MS4A8: variants seen among roughly 807,000 people sequenced by gnomAD.
MS4A8 encodes membrane spanning 4-domains A8.
MS4A8 carries 27 observed loss-of-function variants against 23.7 expected under a neutral mutation model. That is an observed-to-expected ratio of 1.14 (90% CI 0.84 to 1.57). The LOEUF (loss-of-function observed/expected upper bound fraction) is 1.57. Among genes scored for constraint, MS4A8 ranks in the 40% most tolerant of loss-of-function variants. The probability of loss-of-function intolerance (pLI) is 0.00; values close to 1 mark genes in which losing one functional copy is unlikely to be tolerated. For synonymous variants in MS4A8, 138 were observed against 126.3 expected (o/e 1.09, Z -0.62); for missense variants, 301 against 311.4 (o/e 0.97, Z 0.25).
At position 60,700,969 on chromosome 11, in the gene MS4A8, C is replaced by T; in HGVS notation, c.109C>T (p.Pro37Ser). ...PGIMSHVPLY[P>S]NSQPQVHLVP... ...AATTATGTCTCACGTGCCCCTGTAT[C>T]CAAACAGCCAGCCGCAAGTCCACCT... Residue 37 changes from proline to serine, a missense_variant, in exon 2 of 7, where the codon CCA (proline) becomes TCA (serine). Pro to Ser is a moderately conservative substitution (Grantham distance 74, BLOSUM62 -1). Transcript: ENST00000300226. The T allele has an allele frequency of 6.2e-7, 1 of 1,614,208 alleles. No homozygotes were observed.
intron 3 of MS4A8, among the ~76,000 whole-genome samples, chr11:60,706,779 T>C (rs1014005351): frequency 1.3e-5 from 2 of 152,180 alleles, no homozygotes; most frequent in Non-Finnish European, 2.9e-5. Flanking sequence ...AGCCAGAATT[T>C]AAAACCAGGT....
Position 60,715,457 on chromosome 11 carries a change from GTCC to G in MS4A8, c.*50_*52del. On this transcript the variant is annotated 3_prime_UTR_variant, in exon 7 of 7. Coordinates refer to ENST00000300226, the MANE Select transcript of MS4A8 (RefSeq NM_031457.2). ...GCATCTTTCACTGGGACCAAAAGAA[GTCC>G]TCCTCCCTTTCTGGGCTTCCATAAC... 1 of 1,514,688 alleles carries G rather than the reference GTCC, an allele frequency of 6.6e-7. No homozygotes were observed. The highest frequency in any genetic ancestry group is 9.1e-7 in the Non-Finnish European group (1 of 1,095,214). The allele number at this position is 1,514,688 out of a possible 1,614,324, so 93.8% of individuals were successfully genotyped here.
chr11:60,704,626 A>G (rs887331595), intron 3 of MS4A8, among the ~76,000 whole-genome samples: 2 of 152,102 alleles, frequency 1.3e-5, no homozygotes, highest in African/African-American at 4.8e-5. Flanking sequence ...AGATCTGCAG[A>G]TGGGCTTTGG....
In MS4A8 at chr11:60,708,727, A is replaced by G; in HGVS notation, c.480A>G (p.Leu160=). The G allele has an allele frequency of 1.9e-6, 3 of 1,612,888 alleles. No individual in the cohort carries two copies. The highest frequency in any genetic ancestry group is 2.5e-6 in the Non-Finnish European group (3 of 1,179,640). ...AVGVILFITD[L]SIPHPYAYPD... The stretch of plus-strand genomic sequence containing the variant: ...GAGTCATACTCTTCATCACAGATCT[A>G]AGTATTCCCCACCCATATGCCTACC... The change falls in exon 5 of 7, where the codon CTA becomes CTG. Residue 160 remains leucine, a synonymous_variant. Transcript: ENST00000300226.
At chr11:60,710,619 C>T (rs2088292858) in intron 5 of MS4A8, among the ~76,000 whole-genome samples, 2 of 152,220 alleles carry the variant, frequency 1.3e-5, no homozygotes, top group African/African-American at 4.8e-5. Flanking sequence ...TTCCCTTTCT[C>T]CTACTCTGGG....
chr11:60,711,614 G>A (rs935447528), intron 5 of MS4A8, among the ~76,000 whole-genome samples: 5 of 152,282 alleles, frequency 3.3e-5, no homozygotes, highest in South Asian at 2.1e-4. Context: ...AGGCACAAGC[G>A]AGTACTTGGG....
chr11:60,709,796 T>G (rs888317086), intron 5 of MS4A8, among the ~76,000 whole-genome samples: 1 of 152,230 alleles, frequency 6.6e-6, no homozygotes, highest in Non-Finnish European at 1.5e-5. Context: ...GGCTTTTGCA[T>G]CAGCATTAAG....
intron 3 of MS4A8, among the ~76,000 whole-genome samples, chr11:60,704,197 C>T (rs142416411): frequency 0.014 from 2,052 of 150,234 alleles, 113 homozygotes; most frequent in Admixed American, 0.1. Context: ...CTCGGCTCAC[C>T]GCAACCTCCC....
intron 5 of MS4A8, 100 bp downstream of exon 5, chr11:60,708,881 T>C (rs1450028490): frequency 1.0e-5 from 15 of 1,451,884 alleles, no homozygotes; most frequent in Non-Finnish European, 1.4e-5. Flanking sequence ...TCACTGAACA[T>C]GGTAGGAAAA....
intron 5 of MS4A8, among the ~76,000 whole-genome samples, chr11:60,710,208 A>G (rs2088288868): frequency 6.6e-6 from 1 of 152,128 alleles, no homozygotes; most frequent in South Asian, 2.1e-4. Flanking sequence ...TAGTCTGGCA[A>G]CTTGAAACAC....
rs1171968895 is a variant in MS4A8 at position 60,715,345 on chromosome 11, C to T, written c.684C>T (p.Asn228=). 6.2e-7 allele frequency: 1 copy of T among 1,614,024 alleles called. No homozygotes were observed. Among genetic ancestry groups the T allele is most frequent in the South Asian group, 1.1e-5 (1 of 91,078 alleles). ...SVIYPNIYAA[N]PVITPEPVTS... The stretch of plus-strand genomic sequence containing the variant: ...TCTATCCAAACATCTATGCAGCAAA[C>T]CCAGTGATCACCCCAGAACCGGTGA... Residue 228 remains asparagine (N), a synonymous_variant, in exon 7 of 7, where the codon AAC becomes AAT. Coordinates refer to ENST00000300226, the MANE Select transcript of MS4A8 (RefSeq NM_031457.2).
At chr11:60,700,056 G>A (rs2088188245) in intron 1 of MS4A8, among the ~76,000 whole-genome samples, 1 of 152,222 alleles carries the variant, frequency 6.6e-6, no homozygotes. Flanking sequence ...CCTTGGCAAT[G>A]GGGCTTCCCT....
intron 5 of MS4A8, among the ~76,000 whole-genome samples, chr11:60,711,154 G>A (rs1038485723): frequency 6.6e-6 from 1 of 152,124 alleles, no homozygotes; most frequent in Non-Finnish European, 1.5e-5. Flanking sequence ...GATGTTTTTG[G>A]TTTCACTCAC....
chr11:60,713,860 G>A (rs1274945647), intron 5 of MS4A8, among the ~76,000 whole-genome samples: 1 of 151,154 alleles, frequency 6.6e-6, no homozygotes, highest in Non-Finnish European at 1.5e-5. Flanking sequence ...TTGTGTCTCT[G>A]GGTACTTGAG....
intron 4 of MS4A8, among the ~76,000 whole-genome samples, chr11:60,708,109 A>G (rs985211330): frequency 6.6e-6 from 1 of 152,042 alleles, no homozygotes; most frequent in Non-Finnish European, 1.5e-5. Flanking sequence ...CAGCCTCCCA[A>G]AGTGCTGGGA....
intron 2 of MS4A8, among the ~76,000 whole-genome samples, chr11:60,702,345 T>C (rs938932134): frequency 3.3e-5 from 5 of 152,242 alleles, no homozygotes; most frequent in African/African-American, 1.2e-4. Context: ...AATGATTGTA[T>C]GGGTACTCCA....
At position 60,708,982 on chromosome 11, in the gene MS4A8, T is replaced by C. The variant is rs1049302251; in HGVS notation, c.534+201T>C. 1.6e-5 allele frequency: 9 copies of C among 555,770 alleles called. No homozygotes were observed. In the African/African-American group the frequency reaches 1.7e-4, roughly 11 times the overall value. 34.4% of individuals were successfully genotyped at this position (555,770 alleles called of 1,614,324 possible). On this transcript the variant is annotated intron_variant, in intron 5 of 6. Transcript: ENST00000300226. ...TTCCCAGTTTGGGTTTCTGCCTTTGTAGAACAATACCTACCTTGTGGCAAT... is the reference window on the plus strand; with the variant it reads ...TTCCCAGTTTGGGTTTCTGCCTTTGCAGAACAATACCTACCTTGTGGCAAT...
Position 60,700,886 on chromosome 11 carries a change from C to T in MS4A8, c.26C>T (p.Pro9Leu), listed in dbSNP as rs776863093. The change falls in exon 2 of 7, where the codon CCG (proline) becomes CTG (leucine). Residue 9 changes from proline (P) to leucine (L), a missense_variant. Physicochemically the swap from Pro to Leu is moderately conservative, Grantham distance 98 (BLOSUM62 -3). Transcript: ENST00000300226. ...ATGAATTCGATGACTTCAGCAGTTC[C>T]GGTGGCCAATTCTGTGTTGGTGGTG... is the stretch of plus-strand genomic sequence containing the variant. The part of the protein sequence containing the change: MNSMTSAV[P>L]VANSVLVVAP... The T allele has an allele frequency of 6.2e-6, 10 of 1,614,048 alleles. No homozygotes were observed. The highest frequency in any genetic ancestry group is 1.3e-5 in the African/African-American group (1 of 74,900).
intron 3 of MS4A8, among the ~76,000 whole-genome samples, chr11:60,704,104 A>G (rs972154144): frequency 3.0e-5 from 4 of 133,478 alleles, no homozygotes; most frequent in African/African-American, 1.1e-4. Flanking sequence ...AAAGGGATGT[A>G]TTTTCTTTTT....
Sources: allele counts gnomAD v4.1 joint callset (sites outside exome capture counted in the v4.1 genomes callset), GRCh38; gene constraint gnomAD v4.1.1; transcripts MANE v1.5; gene names NCBI Gene and HGNC (gene_info 2026-07-23, HGNC 2026-07-21).